Variants in WDR37 observed in about 807,000 individuals in gnomAD.
WDR37 encodes the protein WD repeat-containing protein 37.
Under a neutral mutation model 62.9 loss-of-function variants are expected in WDR37, and 19 were observed. That is an observed-to-expected ratio of 0.30 (90% CI 0.21 to 0.44). The LOEUF (loss-of-function observed/expected upper bound fraction) is 0.44, where lower values mean the gene tolerates loss of function less well. WDR37 is among the 20% of genes least tolerant of loss of function. The probability of loss-of-function intolerance (pLI) is 1.00; values close to 1 mark genes in which losing one functional copy is unlikely to be tolerated. For missense variants in WDR37, 474 were observed against 657.6 expected, an observed-to-expected ratio of 0.72 and a Z score of 3.05; for synonymous variants, 250 against 260.9, an observed-to-expected ratio of 0.96 and a Z score of 0.40.
intron 13 of WDR37, 139 bp from the exon 14 acceptor site, chr10:1,129,074 C>T: frequency 8.2e-7 from 1 of 1,223,866 alleles, no homozygotes; most frequent in Non-Finnish European, 1.1e-6. Context: ...CTCGGTGGTC[C>T]ATGGGACTGA....
At chr10:1,098,006 T>G (rs1204630363) in intron 9 of WDR37, among the ~76,000 whole-genome samples, 2 of 152,154 alleles carry the variant, frequency 1.3e-5, no homozygotes, top group Non-Finnish European at 2.9e-5. Flanking sequence ...GATGCTGGAA[T>G]AAGACTTCTG....
chr10:1,084,214 T>C (rs1301742956), intron 5 of WDR37, among the ~76,000 whole-genome samples, 189 bp from the exon 6 acceptor site: 1 of 152,204 alleles, frequency 6.6e-6, no homozygotes, highest in Non-Finnish European at 1.5e-5. Context: ...CTCTGTGATA[T>C]GAGCTGAACC....
At chr10:1,090,296 G>T (rs186065544) in intron 7 of WDR37, among the ~76,000 whole-genome samples, 241 of 152,224 alleles carry the variant, frequency 1.6e-3, no homozygotes, top group African/African-American at 5.5e-3. Flanking sequence ...GTAGCTGGGA[G>T]TACAGGCACA....
intron 7 of WDR37, among the ~76,000 whole-genome samples, chr10:1,090,303 C>G (rs1373022965): frequency 4.6e-5 from 7 of 152,108 alleles, no homozygotes; most frequent in Non-Finnish European, 1.0e-4. Context: ...GGAGTACAGG[C>G]ACATGCCACC....
intron 7 of WDR37, among the ~76,000 whole-genome samples, chr10:1,086,830 C>A (rs1012416678): frequency 6.6e-6 from 1 of 152,218 alleles, no homozygotes; most frequent in African/African-American, 2.4e-5. Context: ...ACGCTGTTCA[C>A]GTAGCTCTTT....
At chr10:1,077,859 A>C (rs1833925277) in intron 2 of WDR37, 48 bp from the exon 3 acceptor site, 1 of 1,391,592 alleles carries the variant, frequency 7.2e-7, no homozygotes, top group African/African-American at 1.4e-5. Context: ...ATTTGTACTT[A>C]GAGTTTTTCA....
chr10:1,126,436 G>A (rs966631071), intron 13 of WDR37, among the ~76,000 whole-genome samples: 2 of 151,980 alleles, frequency 1.3e-5, no homozygotes, highest in African/African-American at 2.4e-5. Flanking sequence ...CCCCGTGGTC[G>A]AGGCAGCGTC....
chr10:1,118,259 CAG>C (rs1285842669), intron 11 of WDR37, among the ~76,000 whole-genome samples: 1 of 3,190 alleles, frequency 3.1e-4, no homozygotes. Flanking sequence ...GCATCTGAGC[CAG>C]GTGCACTCAG....
chr10:1,090,388 A>G (rs1324643811), intron 7 of WDR37, among the ~76,000 whole-genome samples: 1 of 152,136 alleles, frequency 6.6e-6, no homozygotes, highest in Non-Finnish European at 1.5e-5. Context: ...TGAACTCCTG[A>G]CTTCAGGTGA....
At chr10:1,096,913 T>C (rs760706794) in intron 9 of WDR37, among the ~76,000 whole-genome samples, 2 of 152,164 alleles carry the variant, frequency 1.3e-5, no homozygotes, top group African/African-American at 2.4e-5. Context: ...TCTCAGAGAA[T>C]GCAGGTATCA....
At chr10:1,062,504 A>G (rs532842731) in intron 1 of WDR37, among the ~76,000 whole-genome samples, 1 of 152,350 alleles carries the variant, frequency 6.6e-6, no homozygotes, top group East Asian at 1.9e-4. Flanking sequence ...TATTTGCTTC[A>G]TTTAACTGAA....
intron 7 of WDR37, among the ~76,000 whole-genome samples, chr10:1,091,388 C>T (rs542854710): frequency 3.3e-5 from 5 of 152,286 alleles, no homozygotes; most frequent in Admixed American, 6.5e-5. Context: ...TAAGTGTACA[C>T]GGTTTCCACC....
chr10:1,074,518 C>G, intron 2 of WDR37: 1 of 1,304,078 alleles, frequency 7.7e-7, no homozygotes, highest in Non-Finnish European at 1.0e-6. Flanking sequence ...TGTAAGTGGC[C>G]CCCGTGAGGT....
chr10:1,129,876 C>G lies in WDR37; in HGVS notation c.*532C>G, dbSNP rs1442258442. 6.6e-6 allele frequency: 1 copy of G among 152,194 alleles called. No homozygotes were observed. Among genetic ancestry groups the G allele is most frequent in the East Asian group, 1.9e-4 (1 of 5,198 alleles). 9.4% of individuals were successfully genotyped at this position (152,194 alleles called of 1,614,324 possible). The stretch of plus-strand genomic sequence containing the variant: ...TTCTACTCTAATTTCTGTTACAGTT[C>G]TGCAAAGGTAACCTGGAGTTTAGAA... On this transcript the variant is annotated 3_prime_UTR_variant, in exon 14 of 14. Coordinates refer to ENST00000263150, the MANE Select transcript of WDR37 (RefSeq NM_014023.4).
At chr10:1,058,396 A>G (rs974833168) in intron 1 of WDR37, among the ~76,000 whole-genome samples, 2 of 152,212 alleles carry the variant, frequency 1.3e-5, no homozygotes, top group African/African-American at 4.8e-5. Flanking sequence ...TTGGGTAGCT[A>G]TGTTAGGCTG....
chr10:1,081,675 GCTTATA>G (rs1834034289), intron 5 of WDR37, among the ~76,000 whole-genome samples: 2 of 151,956 alleles, frequency 1.3e-5, no homozygotes, highest in Non-Finnish European at 2.9e-5. Context: ...GTAATGTCTA[GCTTATA>G]CTTACAAGTT....
At chr10:1,083,955 G>A (rs897986006) in intron 5 of WDR37, among the ~76,000 whole-genome samples, 23 of 152,340 alleles carry the variant, frequency 1.5e-4, no homozygotes, top group African/African-American at 5.5e-4. Flanking sequence ...ACAGCAAAAT[G>A]TGAACATGTA....
At chr10:1,108,561 C>T (rs543998563) in intron 11 of WDR37, among the ~76,000 whole-genome samples, 2 of 152,316 alleles carry the variant, frequency 1.3e-5, no homozygotes, top group Admixed American at 6.5e-5. Context: ...GACCTTTCCT[C>T]GGTCCAGGGC....
At chr10:1,063,711 G>C (rs1833446131) in intron 1 of WDR37, among the ~76,000 whole-genome samples, 1 of 152,170 alleles carries the variant, frequency 6.6e-6, no homozygotes, top group African/African-American at 2.4e-5. Context: ...CTGTGGTGTG[G>C]GGGAGACTGT....
Sources: allele counts gnomAD v4.1 joint callset (sites outside exome capture counted in the v4.1 genomes callset), GRCh38; gene constraint gnomAD v4.1.1; transcripts MANE v1.5; gene names NCBI Gene and HGNC (gene_info 2026-07-23, HGNC 2026-07-21).